The following RYR2 variants were observed in gnomAD, a reference collection of about 807,000 sequenced individuals.
RYR2 encodes the protein cardiac muscle ryanodine receptor-calcium release channel.
In RYR2, 227 loss-of-function variants were observed where a neutral mutation model predicts 601.1. The observed-to-expected ratio is 0.38, with a 90% CI of 0.34 to 0.42. RYR2 has a LOEUF of 0.42. Ranked by LOEUF, RYR2 falls within the 10% of genes least tolerant of loss-of-function variation. The pLI is 1.00. For missense variants in RYR2, 4,646 were observed against 6,156.5 expected (o/e 0.75, Z 8.21); for synonymous variants, 2,223 against 2,175.1 (o/e 1.02, Z -0.61).
chr1:237,338,824 T>C (rs1223882924), intron 3 of RYR2, among the ~76,000 whole-genome samples: 1 of 152,164 alleles, frequency 6.6e-6, no homozygotes, highest in Non-Finnish European at 1.5e-5. Flanking sequence ...TCCACGCTAG[T>C]TGAGTTTTAT....
At chr1:237,783,440 C>T (rs1695290490) in intron 89 of RYR2, among the ~76,000 whole-genome samples, 1 of 152,098 alleles carries the variant, frequency 6.6e-6, no homozygotes, top group South Asian at 2.1e-4. Context: ...AAAATGTCAA[C>T]TTTTGTTGAA....
At chr1:237,316,237 A>G (rs1695097334) in intron 2 of RYR2, among the ~76,000 whole-genome samples, 1 of 152,156 alleles carries the variant, frequency 6.6e-6, no homozygotes, top group African/African-American at 2.4e-5. Flanking sequence ...CTTCTTCTTT[A>G]GGACATTGAT....
intron 24 of RYR2, among the ~76,000 whole-genome samples, chr1:237,516,601 G>C (rs1290709588): frequency 6.6e-6 from 1 of 152,186 alleles, no homozygotes; most frequent in Non-Finnish European, 1.5e-5. Flanking sequence ...TGACGGAATT[G>C]TTTGTCCTAT....
chr1:237,687,363 C>CTTCTTTTTTTTTTTTTTTTTTTTTT, intron 62 of RYR2, 92 bp from the exon 63 acceptor site: 2 of 452,442 alleles, frequency 4.4e-6, no homozygotes, highest in East Asian at 4.4e-5. Flanking sequence ...CTTTTTTCTT[C>CTTCTTTTTTTTTTTTTTTTTTTTTT]TTCTTTTTTT....
chr1:237,112,334 G>A (rs1669575513), intron 1 of RYR2, among the ~76,000 whole-genome samples: 2 of 152,006 alleles, frequency 1.3e-5, no homozygotes, highest in Admixed American at 6.5e-5. Flanking sequence ...GGCTGGTCTC[G>A]AACTCCTGAC....
chr1:237,795,512 C>T (rs994779962), intron 96 of RYR2, among the ~76,000 whole-genome samples, 181 bp downstream of exon 96: 20 of 151,422 alleles, frequency 1.3e-4, no homozygotes, highest in African/African-American at 4.4e-4. Flanking sequence ...AGTGCAGTAG[C>T]GCGATCTCAG....
chr1:237,052,327 G>A (rs978482812), intron 1 of RYR2, among the ~76,000 whole-genome samples: 2 of 152,098 alleles, frequency 1.3e-5, no homozygotes, highest in East Asian at 3.9e-4. Flanking sequence ...TGATGGATGT[G>A]GTCATGATAT....
At chr1:237,187,523 AG>A (rs1679504290) in intron 1 of RYR2, among the ~76,000 whole-genome samples, 1 of 145,340 alleles carries the variant, frequency 6.9e-6, no homozygotes, top group Non-Finnish European at 1.5e-5. Context: ...AGCTCACTAC[AG>A]CCTCAGCCTC....
At chr1:237,687,363 C>CTTCTTTTTTTTTTTTTTTTTTTTTTT in intron 62 of RYR2, 92 bp from the exon 63 acceptor site, 1 of 452,442 alleles carries the variant, frequency 2.2e-6, no homozygotes, top group East Asian at 4.4e-5. Context: ...CTTTTTTCTT[C>CTTCTTTTTTTTTTTTTTTTTTTTTTT]TTCTTTTTTT....
intron 1 of RYR2, among the ~76,000 whole-genome samples, chr1:237,147,834 A>G (rs2148794700): frequency 6.6e-6 from 1 of 152,358 alleles, no homozygotes; most frequent in Non-Finnish European, 1.5e-5. Flanking sequence ...CCAAGCGAGT[A>G]TAGTTTCTGC....
At chr1:237,208,988 A>ATATATG (rs1682227214) in intron 1 of RYR2, among the ~76,000 whole-genome samples, 1 of 111,316 alleles carries the variant, frequency 9.0e-6, no homozygotes, top group Non-Finnish European at 1.9e-5. Flanking sequence ...ATATATATGT[A>ATATATG]TACTGTAATT....
intron 1 of RYR2, among the ~76,000 whole-genome samples, chr1:237,245,099 C>T (rs1443166165): frequency 6.6e-6 from 1 of 151,944 alleles, no homozygotes; most frequent in African/African-American, 2.4e-5. Flanking sequence ...TGCCTGTAGT[C>T]TCAGCTGCTT....
At chr1:237,133,635 G>A (rs1672408537) in intron 1 of RYR2, among the ~76,000 whole-genome samples, 1 of 152,148 alleles carries the variant, frequency 6.6e-6, no homozygotes, top group Admixed American at 6.5e-5. Context: ...AGGAGTAGGA[G>A]AAGAGAGCAA....
At chr1:237,764,944 GT>G (rs1376444524) in intron 84 of RYR2, among the ~76,000 whole-genome samples, 3 of 150,824 alleles carry the variant, frequency 2.0e-5, no homozygotes, top group Non-Finnish European at 4.4e-5. Flanking sequence ...TATTTATACT[GT>G]TTTTTTTCTG....
chr1:237,094,889 C>A (rs1421344679), intron 1 of RYR2, among the ~76,000 whole-genome samples: 1 of 152,192 alleles, frequency 6.6e-6, no homozygotes, highest in African/African-American at 2.4e-5. Flanking sequence ...CCGCACCCGG[C>A]CTTGTCTTCC....
chr1:237,703,757 G>T (rs1688150780), intron 66 of RYR2, among the ~76,000 whole-genome samples: 2 of 151,242 alleles, frequency 1.3e-5, no homozygotes, highest in Non-Finnish European at 1.5e-5. Flanking sequence ...TTATTATTCT[G>T]ATAAGTTTAG....
intron 35 of RYR2, among the ~76,000 whole-genome samples, chr1:237,607,986 C>T (rs1209518045): frequency 1.1e-4 from 16 of 152,176 alleles, no homozygotes; most frequent in Admixed American, 1.0e-3. Context: ...AATAAATTTA[C>T]ATACAATATA....
intron 47 of RYR2, 115 bp from the exon 48 acceptor site, chr1:237,643,212 A>G: frequency 3.0e-6 from 4 of 1,316,420 alleles, no homozygotes; most frequent in Non-Finnish European, 4.2e-6. Context: ...AACTTTATGT[A>G]TACACTGATC....
intron 27 of RYR2, among the ~76,000 whole-genome samples, chr1:237,566,264 G>A (rs1572899256): frequency 6.6e-6 from 1 of 151,970 alleles, no homozygotes. Flanking sequence ...AAGGCACTTG[G>A]GTTTTGTTCT....
Sources: allele counts gnomAD v4.1 joint callset (sites outside exome capture counted in the v4.1 genomes callset), GRCh38; gene constraint gnomAD v4.1.1; transcripts MANE v1.5; gene names NCBI Gene and HGNC (gene_info 2026-07-23, HGNC 2026-07-21).